PALD1: variants seen among roughly 807,000 people sequenced by gnomAD.
PALD1 encodes phosphatase domain containing paladin 1.
Under a neutral mutation model 96.0 loss-of-function variants are expected in PALD1, and 57 were observed. That is an observed-to-expected ratio of 0.59 (90% confidence interval 0.48 to 0.74). The LOEUF (loss-of-function observed/expected upper bound fraction) is 0.74. Ranked by LOEUF, PALD1 falls within the 30% of genes least tolerant of loss-of-function variation. The pLI is 0.00. For missense variants in PALD1, 1,063 were observed against 1,143.7 expected (o/e 0.93, Z 1.02); for synonymous variants, 464 against 473.6 (o/e 0.98, Z 0.26).
In PALD1 at chr10:70,547,442, G is replaced by T. The variant is rs780067595; in HGVS notation, c.2258G>T (p.Arg753Leu). ...CGGGAGATCATCATCTGCACCTACCGCCAGGTGAGCCCCCACCCCACCCCA... is the reference window on the plus strand; with the variant it reads ...CGGGAGATCATCATCTGCACCTACCTCCAGGTGAGCCCCCACCCCACCCCA... ...HLREIIICTY[R>L]QAKAAKEAQE... Residue 753 changes from arginine to leucine, a missense_variant, in exon 18 of 20, where the codon CGC (arginine) becomes CTC (leucine). Coordinates refer to ENST00000263563, the MANE Select transcript of PALD1 (RefSeq NM_014431.3). The T allele has an allele frequency of 1.9e-6, 3 of 1,600,820 alleles. No individual in the cohort carries two copies. Among genetic ancestry groups the T allele is most frequent in the South Asian group, 1.1e-5 (1 of 90,096 alleles).
At chr10:70,471,126 T>G in the PALD1 span, among the ~76,000 whole-genome samples, 1 of 152,154 alleles carries the variant, frequency 6.6e-6, no homozygotes, top group Non-Finnish European at 1.5e-5. Flanking sequence ...CCGGCCTGAA[T>G]TTTTGTATTT....
chr10:70,460,665 C>G, the PALD1 span, among the ~76,000 whole-genome samples: 3 of 152,186 alleles, frequency 2.0e-5, no homozygotes, highest in Non-Finnish European at 4.4e-5. Context: ...TGCCTCCACC[C>G]TGGCCCCCCA....
chr10:70,545,676 G>A (rs578000427), intron 17 of PALD1, among the ~76,000 whole-genome samples: 115 of 151,966 alleles, frequency 7.6e-4, no homozygotes, highest in African/African-American at 2.5e-3. Context: ...GGCCTCAAGC[G>A]ATCTCCCCAC....
chr10:70,503,196 A>G (rs952388667), intron 1 of PALD1, among the ~76,000 whole-genome samples: 3 of 152,120 alleles, frequency 2.0e-5, no homozygotes, highest in Non-Finnish European at 4.4e-5. Context: ...TGGGTTTTCC[A>G]TTACAAGTTA....
the PALD1 span, among the ~76,000 whole-genome samples, chr10:70,468,296 T>G: frequency 6.6e-6 from 1 of 151,910 alleles, no homozygotes; most frequent in South Asian, 2.1e-4. Context: ...CAGGCTGGAG[T>G]GCAATGGCGC....
intron 18 of PALD1, among the ~76,000 whole-genome samples, chr10:70,562,647 C>G (rs527982542): frequency 2.0e-5 from 3 of 152,204 alleles, no homozygotes; most frequent in Non-Finnish European, 4.4e-5. Flanking sequence ...GTGCCACGTC[C>G]TCTTCCTGGA....
chr10:70,481,826 T>C (rs908909577), intron 1 of PALD1, among the ~76,000 whole-genome samples: 1 of 152,232 alleles, frequency 6.6e-6, no homozygotes, highest in Non-Finnish European at 1.5e-5. Flanking sequence ...TGCTCAGGTC[T>C]CCTCTGCCCA....
intron 6 of PALD1, 86 bp from the exon 7 acceptor site, chr10:70,532,909 A>G: frequency 6.6e-7 from 1 of 1,513,876 alleles, no homozygotes. Context: ...AGTGGGGCCC[A>G]TTTCCAAACA....
chr10:70,549,304 G>T (rs1025115912), intron 18 of PALD1, among the ~76,000 whole-genome samples: 4 of 152,206 alleles, frequency 2.6e-5, no homozygotes, highest in Non-Finnish European at 5.9e-5. Flanking sequence ...TTCCAGTTCA[G>T]TCTGGAAGCT....
chr10:70,493,427 C>T (rs1846131911), intron 1 of PALD1, among the ~76,000 whole-genome samples: 1 of 152,252 alleles, frequency 6.6e-6, no homozygotes, highest in African/African-American at 2.4e-5. Context: ...TCAGACATGC[C>T]ACATTGACTT....
the PALD1 span, among the ~76,000 whole-genome samples, chr10:70,472,418 G>C: frequency 2.6e-5 from 4 of 152,118 alleles, no homozygotes; most frequent in Non-Finnish European, 5.9e-5. Context: ...CTGCCACCAT[G>C]CCTGGCTAAT....
intron 9 of PALD1, 90 bp from the exon 10 acceptor site, chr10:70,534,649 C>CTCTCTTT: frequency 8.5e-7 from 1 of 1,179,280 alleles, no homozygotes; most frequent in South Asian, 1.3e-5. Flanking sequence ...TTTTCTTTCC[C>CTCTCTTT]TCTCTTTTCT....
chr10:70,541,251 G>T lies in PALD1; in HGVS notation c.2049+9G>T. The T allele has an allele frequency of 6.3e-7, 1 of 1,598,430 alleles. No individual in the cohort carries two copies. The highest frequency in any genetic ancestry group is 2.2e-5 in the East Asian group (1 of 44,704). ...CCTTCTGGCACATCCAAGTACGTGTGGCCTCTCAAGTGAGATTAGAGATTT... is the reference window on the plus strand; with the variant it reads ...CCTTCTGGCACATCCAAGTACGTGTTGCCTCTCAAGTGAGATTAGAGATTT... On this transcript the variant is annotated intron_variant, in intron 16 of 19. Transcript: ENST00000263563.
At chr10:70,544,859 C>T (rs185604465) in intron 17 of PALD1, among the ~76,000 whole-genome samples, 1 of 152,342 alleles carries the variant, frequency 6.6e-6, no homozygotes. Context: ...TCCTTCCAGA[C>T]TGTTCCTTTT....
At chr10:70,471,058 A>G in the PALD1 span, among the ~76,000 whole-genome samples, 1 of 150,998 alleles carries the variant, frequency 6.6e-6, no homozygotes, top group Non-Finnish European at 1.5e-5. Flanking sequence ...GACCTCCCTC[A>G]TGATCCTCCC....
intron 1 of PALD1, among the ~76,000 whole-genome samples, chr10:70,495,774 G>T (rs999989536): frequency 6.6e-6 from 1 of 151,704 alleles, no homozygotes; most frequent in African/African-American, 2.4e-5. Flanking sequence ...GGAGGCTGGG[G>T]CAGGAGGATC....
At chr10:70,535,701 C>T (rs1847101696) in intron 10 of PALD1, among the ~76,000 whole-genome samples, 1 of 151,580 alleles carries the variant, frequency 6.6e-6, no homozygotes. Context: ...TTCTTCTCTT[C>T]CTCCTCCTGC....
intron 1 of PALD1, among the ~76,000 whole-genome samples, chr10:70,517,303 T>C (rs1442844856): frequency 2.6e-5 from 4 of 151,846 alleles, no homozygotes; most frequent in African/African-American, 9.7e-5. Flanking sequence ...TTTACTGAGG[T>C]AGCGTTCATA....
At chr10:70,547,191 T>G in intron 17 of PALD1, 115 bp from the exon 18 acceptor site, 1 of 895,320 alleles carries the variant, frequency 1.1e-6, no homozygotes, top group Non-Finnish European at 1.8e-6. Context: ...GGGCTCTCTG[T>G]TCAGCGCCTG....
Sources: allele counts gnomAD v4.1 joint callset (sites outside exome capture counted in the v4.1 genomes callset), GRCh38; gene constraint gnomAD v4.1.1; transcripts MANE v1.5; gene names NCBI Gene and HGNC (gene_info 2026-07-23, HGNC 2026-07-21).